Variants in SYNE1 observed in about 807,000 individuals in gnomAD.
SYNE1 encodes nesprin-1.
In SYNE1, 616 loss-of-function variants were observed where a neutral mutation model predicts 1,111.0. The ratio of observed to expected loss-of-function variants is 0.55; its 90% confidence interval spans 0.52 to 0.59. The LOEUF (loss-of-function observed/expected upper bound fraction) is 0.59. SYNE1 is among the 20% of genes least tolerant of loss of function. SYNE1 has a pLI of 0.00. For synonymous variants in SYNE1, 3,855 were observed against 3,825.8 expected, an observed-to-expected ratio of 1.01 and a Z score of -0.28; for missense variants, 10,006 against 10,417.0, an observed-to-expected ratio of 0.96 and a Z score of 1.72.
Position 152,263,974 on chromosome 6 carries a change from C to T in SYNE1, c.18816-1786G>A, listed in dbSNP as rs914026044. On this transcript the variant is annotated intron_variant, in intron 100 of 145. Transcript: ENST00000367255. The stretch of plus-strand genomic sequence containing the variant: ...GCTCATGCCCAGCACTTTGGGAGGC[C>T]AAGGCAGGTGGATCACCTGAGATCA... Among the ~76,000 whole-genome samples the T allele has an allele frequency of 4.7e-4, 71 of 151,578 alleles. 1 individual carries two copies. The highest frequency in any genetic ancestry group is 4.4e-3 in the Admixed American group (67 of 15,206).
In SYNE1 at chr6:152,441,118, G is replaced by A; in HGVS notation, c.4149+12C>T. The A allele has an allele frequency of 6.2e-7, 1 of 1,613,090 alleles. No individual in the cohort carries two copies. The highest frequency in any genetic ancestry group is 2.2e-5 in the East Asian group (1 of 44,772). On this transcript the variant is annotated intron_variant, in intron 32 of 145. Transcript: ENST00000367255. ...TTTTCTGAATATTGGGTACCAAGGA[G>A]CCATAATATACCTTTGTTTGTTCCA...
chr6:152,441,703 C>T (rs2098532013), intron 31 of SYNE1, among the ~76,000 whole-genome samples: 1 of 152,132 alleles, frequency 6.6e-6, no homozygotes, highest in Non-Finnish European at 1.5e-5. Context: ...GTGTCAACAT[C>T]CCAATAAAGC....
At chr6:152,359,864 A>G (rs1246039984) in intron 64 of SYNE1, among the ~76,000 whole-genome samples, 2 of 151,046 alleles carry the variant, frequency 1.3e-5, no homozygotes, top group African/African-American at 2.4e-5. Context: ...CAGACGGTCA[A>G]CCCAGAACAT....
intron 13 of SYNE1, among the ~76,000 whole-genome samples, chr6:152,483,976 T>C (rs1377915869): frequency 7.2e-6 from 1 of 139,574 alleles, no homozygotes; most frequent in Non-Finnish European, 1.5e-5. Flanking sequence ...CCAAGATGGA[T>C]GAGATGCTTG....
chr6:152,455,651 G>T, intron 23 of SYNE1, 61 bp from the exon 24 acceptor site: 1 of 1,599,498 alleles, frequency 6.3e-7, no homozygotes, highest in Non-Finnish European at 8.6e-7. Context: ...GGATCATTTT[G>T]TTAGAGGGTA....
intron 32 of SYNE1, among the ~76,000 whole-genome samples, chr6:152,439,857 G>C (rs1331096986): frequency 6.6e-6 from 1 of 152,130 alleles, no homozygotes; most frequent in African/African-American, 2.4e-5. Context: ...CAAATTGGTT[G>C]GTCTGCTTAG....
chr6:152,416,756 G>T lies in SYNE1; in HGVS notation c.5681C>A (p.Thr1894Asn), dbSNP rs1468365907. The change falls in exon 41 of 146, where the codon ACC (threonine) becomes AAC (asparagine). Residue 1894 changes from threonine (T) to asparagine (N), a missense_variant. Transcript: ENST00000367255. ...LRQLRQTVEA[T>N]NSMNKNESDL... ...AGACTCGTTCTTATTCATACTGTTG[G>T]TTGCTTCCACTGTTTGCCTCAGCTG... 6.2e-7 allele frequency: 1 copy of T among 1,614,198 alleles called. No homozygotes were observed. Among genetic ancestry groups the T allele is most frequent in the Non-Finnish European group, 8.5e-7 (1 of 1,180,040 alleles).
intron 30 of SYNE1, among the ~76,000 whole-genome samples, chr6:152,443,093 C>T (rs1186242749): frequency 6.6e-6 from 1 of 152,064 alleles, no homozygotes; most frequent in Non-Finnish European, 1.5e-5. Flanking sequence ...AGATATGCAG[C>T]TTATAAATTT....
intron 63 of SYNE1, among the ~76,000 whole-genome samples, chr6:152,363,385 TCGAGAGG>T (rs1193398921): frequency 6.7e-6 from 1 of 149,892 alleles, no homozygotes; most frequent in Non-Finnish European, 1.5e-5. Flanking sequence ...TACCAGCTAC[TCGAGAGG>T]CTGAGGCAGG....
chr6:152,499,177 A>G lies in SYNE1; in HGVS notation c.889-385T>C, dbSNP rs2099015184. 2.6e-5 allele frequency among the ~76,000 whole-genome samples: 4 copies of G among 152,130 alleles called. No individual in the cohort carries two copies. In the South Asian group the frequency reaches 6.2e-4, roughly 24 times the overall value. On this transcript the variant is annotated intron_variant, in intron 10 of 145. Transcript: ENST00000367255. ...TTCTTTGTCCTCATAAGAATTAAGA[A>G]TGTGTTGTGCTTCTTAGGGCAGTCA...
At chr6:152,528,234 C>T (rs920800414) in intron 4 of SYNE1, among the ~76,000 whole-genome samples, 3 of 152,128 alleles carry the variant, frequency 2.0e-5, no homozygotes, top group African/African-American at 7.2e-5. Context: ...AGGTAAGCGA[C>T]CTCTCCTAAA....
chr6:152,417,680 T>G (rs1323636928), intron 40 of SYNE1, among the ~76,000 whole-genome samples: 1 of 152,196 alleles, frequency 6.6e-6, no homozygotes, highest in Non-Finnish European at 1.5e-5. Context: ...GATGCATATA[T>G]GTATACATTT....
chr6:152,350,389 A>G, intron 71 of SYNE1, 54 bp from the exon 72 acceptor site: 1 of 1,611,942 alleles, frequency 6.2e-7, no homozygotes, highest in African/African-American at 1.3e-5. Flanking sequence ...ACCTACTCAA[A>G]ACTGTTTTGT....
At chr6:152,362,458 G>T in intron 63 of SYNE1, 135 bp from the exon 64 acceptor site, 2 of 1,145,844 alleles carry the variant, frequency 1.7e-6, no homozygotes, top group Non-Finnish European at 2.5e-6. Context: ...GGAGTGAGCA[G>T]GCTGCCCAGG....
At chr6:152,327,736 A>G (rs1411652963) in intron 78 of SYNE1, among the ~76,000 whole-genome samples, 1 of 152,220 alleles carries the variant, frequency 6.6e-6, no homozygotes, top group African/African-American at 2.4e-5. Flanking sequence ...TAGTAGATTT[A>G]AGAGTTTGGT....
intron 128 of SYNE1, among the ~76,000 whole-genome samples, chr6:152,188,196 CAG>C (rs780710238): frequency 2.0e-5 from 3 of 152,190 alleles, no homozygotes; most frequent in Non-Finnish European, 4.4e-5. Context: ...ATCCATTTAA[CAG>C]AGATGTATCA....
At chr6:152,333,406 A>G (rs1244444652) in intron 77 of SYNE1, among the ~76,000 whole-genome samples, 1 of 152,182 alleles carries the variant, frequency 6.6e-6, no homozygotes, top group Non-Finnish European at 1.5e-5. Flanking sequence ...TTCATAGATG[A>G]TATCCCATAA....
chr6:152,362,405 T>A, intron 63 of SYNE1, 82 bp from the exon 64 acceptor site: 1 of 1,582,654 alleles, frequency 6.3e-7, no homozygotes, highest in South Asian at 1.1e-5. Flanking sequence ...CTCCATCCAC[T>A]CCAGTAAGCA....
intron 3 of SYNE1, among the ~76,000 whole-genome samples, chr6:152,591,179 T>C (rs899405148): frequency 6.6e-6 from 1 of 152,150 alleles, no homozygotes; most frequent in Non-Finnish European, 1.5e-5. Context: ...TTTATTTCAC[T>C]CTCAGCCCAG....
Sources: allele counts gnomAD v4.1 joint callset (sites outside exome capture counted in the v4.1 genomes callset), GRCh38; gene constraint gnomAD v4.1.1; transcripts MANE v1.5; gene names NCBI Gene and HGNC (gene_info 2026-07-23, HGNC 2026-07-21).